ONECUT2: variants seen among roughly 807,000 people sequenced by gnomAD.
The protein encoded by ONECUT2 is one cut homeobox 2.
Under a neutral mutation model 27.9 loss-of-function variants are expected in ONECUT2, and 10 were observed. The ratio of observed to expected loss-of-function variants is 0.36; its 90% CI spans 0.22 to 0.61. The LOEUF (loss-of-function observed/expected upper bound fraction) is 0.61. Ranked by LOEUF, ONECUT2 falls within the 20% of genes least tolerant of loss-of-function variation. ONECUT2 has a pLI of 0.73. For synonymous variants in ONECUT2, 334 were observed against 315.1 expected (o/e 1.06, Z -0.64); for missense variants, 686 against 721.0 (o/e 0.95, Z 0.56).
At chr18:57,450,949 T>C (rs1029838438) in intron 1 of ONECUT2, among the ~76,000 whole-genome samples, 1 of 152,250 alleles carries the variant, frequency 6.6e-6, no homozygotes, top group Non-Finnish European at 1.5e-5. Flanking sequence ...TGAAAATATA[T>C]GAACTAGCCC....
intron 1 of ONECUT2, among the ~76,000 whole-genome samples, chr18:57,470,001 C>T (rs921592800): frequency 2.0e-5 from 3 of 152,228 alleles, no homozygotes; most frequent in African/African-American, 7.2e-5. Context: ...TCATTCTTGG[C>T]TTCTGTATCA....
intron 1 of ONECUT2, among the ~76,000 whole-genome samples, chr18:57,442,251 T>G (rs1220100457): frequency 6.6e-6 from 1 of 151,550 alleles, no homozygotes; most frequent in Non-Finnish European, 1.5e-5. Context: ...TGGGTTTTTT[T>G]TTTTTTTTTT....
In ONECUT2 at chr18:57,444,108, G is replaced by A. The variant is rs541048937; in HGVS notation, c.1228+7164G>A. On this transcript the variant is annotated intron_variant, in intron 1 of 1. Transcript: ENST00000491143. ...GGTAAAATTAAGGGGAAAAGAACCCGCAGTGTTAGTGGTTTGCTTTGTCAT... is the reference window on the plus strand; with the variant it reads ...GGTAAAATTAAGGGGAAAAGAACCCACAGTGTTAGTGGTTTGCTTTGTCAT... 1.8e-4 allele frequency among the ~76,000 whole-genome samples: 28 copies of A among 152,282 alleles called. No individual in the cohort carries two copies. The South Asian group carries it at 3.9e-3, about 21-fold the overall frequency.
rs2050424506 is a variant in ONECUT2 at position 57,483,260 on chromosome 18, G to C, written c.*6537G>C. ...CTTGGGGAGACTGCGTTAGCTAGTG[G>C]GGAGTGGTGATTTTTTTCATGCTTG... On this transcript the variant is annotated 3_prime_UTR_variant, in exon 2 of 2. Coordinates refer to ENST00000491143, the MANE Select transcript of ONECUT2 (RefSeq NM_004852.3). 1.3e-5 allele frequency: 2 copies of C among 152,602 alleles called. No homozygotes were observed. Among genetic ancestry groups the C allele is most frequent in the Admixed American group, 1.3e-4 (2 of 15,272 alleles). 9.5% of individuals were successfully genotyped at this position (152,602 alleles called of 1,614,324 possible). A position where few individuals can be genotyped will look rare whatever the true frequency, so the allele number is the denominator to read the frequency against.
intron 1 of ONECUT2, among the ~76,000 whole-genome samples, chr18:57,469,658 TTTG>T (rs748826441): frequency 3.6e-4 from 55 of 152,352 alleles, no homozygotes; most frequent in East Asian, 5.8e-4. Flanking sequence ...TAACCTTTTA[TTTG>T]CCATTAGCCC....
At chr18:57,446,624 C>T (rs1176680904) in intron 1 of ONECUT2, among the ~76,000 whole-genome samples, 3 of 152,194 alleles carry the variant, frequency 2.0e-5, no homozygotes, top group Non-Finnish European at 4.4e-5. Context: ...ATATCCTTGT[C>T]CCCATTCCCC....
intron 1 of ONECUT2, among the ~76,000 whole-genome samples, chr18:57,438,187 G>A (rs756270812): frequency 7.5e-4 from 114 of 152,354 alleles, no homozygotes; most frequent in Non-Finnish European, 5.4e-4. Flanking sequence ...GGTGTGCGTG[G>A]CGACTGCGCT....
At chr18:57,471,177 A>C (rs2050351343) in intron 1 of ONECUT2, among the ~76,000 whole-genome samples, 1 of 152,174 alleles carries the variant, frequency 6.6e-6, no homozygotes, top group African/African-American at 2.4e-5. Flanking sequence ...CCCTGGCTTG[A>C]TGAGCGTTGC....
At chr18:57,439,649 C>G (rs1242206024) in intron 1 of ONECUT2, among the ~76,000 whole-genome samples, 2 of 152,186 alleles carry the variant, frequency 1.3e-5, no homozygotes, top group Non-Finnish European at 2.9e-5. Flanking sequence ...GAGGCTTTCT[C>G]CGCCCGGAGT....
chr18:57,444,999 A>T (rs1426675835), intron 1 of ONECUT2, among the ~76,000 whole-genome samples: 2 of 152,230 alleles, frequency 1.3e-5, no homozygotes, highest in Admixed American at 1.3e-4. Flanking sequence ...GCAGGGATAA[A>T]GACAAAATAG....
At chr18:57,441,621 G>A (rs1453556315) in intron 1 of ONECUT2, among the ~76,000 whole-genome samples, 6 of 152,254 alleles carry the variant, frequency 3.9e-5, no homozygotes, top group Non-Finnish European at 1.5e-5. Context: ...AACGGTGCCC[G>A]AGTCTTCCTA....
At chr18:57,472,024 C>T (rs1357595065) in intron 1 of ONECUT2, among the ~76,000 whole-genome samples, 3 of 152,196 alleles carry the variant, frequency 2.0e-5, no homozygotes, top group Non-Finnish European at 4.4e-5. Flanking sequence ...ATGGTCTAGA[C>T]AGGGCTGGGC....
intron 1 of ONECUT2, among the ~76,000 whole-genome samples, chr18:57,471,060 G>GCACAGGACAC (rs1344665221): frequency 6.6e-6 from 1 of 152,252 alleles, no homozygotes; most frequent in African/African-American, 2.4e-5. Flanking sequence ...AGAAGGGAGA[G>GCACAGGACAC]CACAGGACAC....
At chr18:57,438,802 TTTGCTG>T (rs2050158320) in intron 1 of ONECUT2, among the ~76,000 whole-genome samples, 1 of 151,848 alleles carries the variant, frequency 6.6e-6, no homozygotes, top group Non-Finnish European at 1.5e-5. Context: ...TTTTCTCTGA[TTTGCTG>T]TTGGTTCGGG....
Position 57,438,555 on chromosome 18 carries a change from T to G in ONECUT2, c.1228+1611T>G, listed in dbSNP as rs377108878. Among the ~76,000 whole-genome samples, 869 of 152,302 alleles carry G rather than the reference T, an allele frequency of 5.7e-3. 16 individuals are homozygous for G. The highest frequency in any genetic ancestry group is 0.019 in the African/African-American group (789 of 41,568). ...GCTGGGGAATGTGACAGGCAGCAGG[T>G]TCACCCGGGCTTGGGGAGGGGGAGT... On this transcript the variant is annotated intron_variant, in intron 1 of 1. Coordinates refer to ENST00000491143, the MANE Select transcript of ONECUT2 (RefSeq NM_004852.3).
chr18:57,467,459 G>A (rs2050329284), intron 1 of ONECUT2, among the ~76,000 whole-genome samples: 3 of 152,010 alleles, frequency 2.0e-5, no homozygotes, highest in Non-Finnish European at 2.9e-5. Flanking sequence ...TCTGCCTCCC[G>A]GGTTGAAGTG....
At position 57,436,936 on chromosome 18, in the gene ONECUT2, G is replaced by T; in HGVS notation, c.1220G>T (p.Arg407Leu). ...GAGTTCCAGCGCATGTCCGCCTTAC[G>T]CCTGGCAGGTAAGGCCGGGGCTAGC... ...EPEFQRMSALRLAACKRKEQE... is the reference protein window; with the variant it reads ...EPEFQRMSALLLAACKRKEQE... The change falls in exon 1 of 2, where the codon CGC becomes CTC. Residue 407 changes from arginine (R) to leucine (L), a missense_variant. By Grantham distance (102) the Arg-to-Leu change is moderately radical. Coordinates refer to ENST00000491143, the MANE Select transcript of ONECUT2 (RefSeq NM_004852.3). This position sits in a 1 kb window ranked among gnomAD's most constrained non-coding sequence, Gnocchi z 5.9. The T allele has an allele frequency of 6.3e-7, 1 of 1,599,752 alleles. No individual in the cohort carries two copies. The highest frequency in any genetic ancestry group is 1.7e-5 in the Admixed American group (1 of 58,238).
chr18:57,471,816 C>G, intron 1 of ONECUT2, among the ~76,000 whole-genome samples: 1 of 152,142 alleles, frequency 6.6e-6, no homozygotes. Context: ...CTCTTCGAGT[C>G]TTTGAAATGG....
In ONECUT2 at chr18:57,486,561, C is replaced by A. The variant is rs1038157383; in HGVS notation, c.*9838C>A. On this transcript the variant is annotated 3_prime_UTR_variant, in exon 2 of 2. Coordinates refer to ENST00000491143, the MANE Select transcript of ONECUT2 (RefSeq NM_004852.3). ...AGTGTTTAGAGTAATGTTATTATAG[C>A]GTATGTAATAAATTATTCACTGTTT... The A allele has an allele frequency of 1.3e-5, 2 of 151,178 alleles. No individual in the cohort carries two copies. The highest frequency in any genetic ancestry group is 1.5e-5 in the Non-Finnish European group (1 of 67,888). 9.4% of individuals were successfully genotyped at this position (151,178 alleles called of 1,614,324 possible). A position where few individuals can be genotyped will look rare whatever the true frequency, so the allele number is the denominator to read the frequency against.
Sources: allele counts gnomAD v4.1 joint callset (sites outside exome capture counted in the v4.1 genomes callset), GRCh38; gene constraint gnomAD v4.1.1; non-coding constraint Gnocchi (gnomAD v3.1); transcripts MANE v1.5; gene names NCBI Gene and HGNC (gene_info 2026-07-23, HGNC 2026-07-21).